KCNJ3: variants seen among roughly 807,000 people sequenced by gnomAD.
KCNJ3 encodes the protein potassium inwardly rectifying channel subfamily J member 3.
A neutral mutation model predicts 39.2 loss-of-function variants in KCNJ3; 4 were observed. That is an observed-to-expected ratio of 0.10 (90% CI 0.05 to 0.23). KCNJ3 has a LOEUF of 0.23. KCNJ3 is among the 10% of genes least tolerant of loss of function. The pLI is 1.00. For synonymous variants in KCNJ3, 230 were observed against 237.4 expected, an observed-to-expected ratio of 0.97 and a Z score of 0.29; for missense variants, 276 against 634.9, an observed-to-expected ratio of 0.43 and a Z score of 6.08.
chr2:154,779,453 T>TTATA (rs201234004), intron 2 of KCNJ3, among the ~76,000 whole-genome samples: 6 of 143,404 alleles, frequency 4.2e-5, no homozygotes, highest in South Asian at 2.1e-4. Context: ...TATATATATT[T>TTATA]TATATATATA....
chr2:154,845,414 G>A (rs190793405), intron 2 of KCNJ3, among the ~76,000 whole-genome samples: 27 of 152,014 alleles, frequency 1.8e-4, no homozygotes, highest in Middle Eastern at 3.4e-3. Flanking sequence ...CCACCACACC[G>A]GGCCTGAAAA....
chr2:154,828,890 A>C (rs1687314284), intron 2 of KCNJ3, among the ~76,000 whole-genome samples: 1 of 152,232 alleles, frequency 6.6e-6, no homozygotes. Context: ...TATTTAACCA[A>C]TTAAGTATAT....
At chr2:154,771,685 T>A (rs959425537) in intron 2 of KCNJ3, among the ~76,000 whole-genome samples, 1 of 152,152 alleles carries the variant, frequency 6.6e-6, no homozygotes, top group Non-Finnish European at 1.5e-5. Flanking sequence ...GTGTCCAACA[T>A]GGCTAGAATG....
chr2:154,717,892 G>GT (rs1243867694), intron 2 of KCNJ3, among the ~76,000 whole-genome samples: 11 of 152,250 alleles, frequency 7.2e-5, no homozygotes, highest in Admixed American at 5.2e-4. Context: ...TAGTGTTATG[G>GT]TAAGTGAGGT....
At position 154,812,545 on chromosome 2, in the gene KCNJ3, A is replaced by G. The variant is rs1255791948; in HGVS notation, c.920-42182A>G. 2.0e-5 allele frequency among the ~76,000 whole-genome samples: 3 copies of G among 152,196 alleles called. No individual in the cohort carries two copies. In the East Asian group the frequency reaches 5.8e-4, roughly 29 times the overall value. ...ATCTTCTGAATTCTGTTGAGAAGAC[A>G]AATTAGAAACTTTCTCAAGTTGCTT... On this transcript the variant is annotated intron_variant, in intron 2 of 2. Transcript: ENST00000295101.
chr2:154,801,669 C>T (rs1686821847), intron 2 of KCNJ3, among the ~76,000 whole-genome samples: 1 of 151,312 alleles, frequency 6.6e-6, no homozygotes, highest in Admixed American at 6.6e-5. Flanking sequence ...CATTCTGTCA[C>T]CCAGGCTGGA....
intron 2 of KCNJ3, among the ~76,000 whole-genome samples, chr2:154,712,150 C>T (rs1685110384): frequency 6.6e-6 from 1 of 152,120 alleles, no homozygotes; most frequent in Admixed American, 6.5e-5. Context: ...CTAATTAAAT[C>T]CCACACTGTT....
At chr2:154,815,068 G>T (rs988688657) in intron 2 of KCNJ3, among the ~76,000 whole-genome samples, 6 of 152,164 alleles carry the variant, frequency 3.9e-5, no homozygotes, top group Non-Finnish European at 8.8e-5. Flanking sequence ...TGCAGGAATA[G>T]CTGCTCCTAT....
chr2:154,742,568 A>G (rs1685670941), intron 2 of KCNJ3, among the ~76,000 whole-genome samples: 1 of 151,708 alleles, frequency 6.6e-6, no homozygotes, highest in Non-Finnish European at 1.5e-5. Flanking sequence ...TAGCCATCCT[A>G]ATTGATCTGA....
At chr2:154,715,139 C>G (rs1392217267) in intron 2 of KCNJ3, among the ~76,000 whole-genome samples, 1 of 152,166 alleles carries the variant, frequency 6.6e-6, no homozygotes, top group Non-Finnish European at 1.5e-5. Context: ...ACTCTCAATT[C>G]AACTATTCCT....
intron 2 of KCNJ3, among the ~76,000 whole-genome samples, chr2:154,816,885 G>A (rs563288022): frequency 1.3e-5 from 2 of 152,192 alleles, no homozygotes; most frequent in South Asian, 4.2e-4. Context: ...TATCCTTATC[G>A]CAATTTCTCA....
rs1055670969 is a variant in KCNJ3, at chr2:154,797,012, A to C, written c.920-57715A>C. Among the ~76,000 whole-genome samples the C allele has an allele frequency of 2.0e-5, 3 of 152,258 alleles. No homozygotes were observed. In the South Asian group the frequency reaches 6.2e-4, roughly 32 times the overall value. ...ATACCTATTGAGCAATGTCTAGCGA[A>C]ATGCTCACCTGTACAAGGTGTAGGA... On this transcript the variant is annotated intron_variant, in intron 2 of 2. Coordinates refer to ENST00000295101, the MANE Select transcript of KCNJ3 (RefSeq NM_002239.4).
chr2:154,760,603 G>A (rs1686020086), intron 2 of KCNJ3, among the ~76,000 whole-genome samples: 1 of 151,740 alleles, frequency 6.6e-6, no homozygotes, highest in Non-Finnish European at 1.5e-5. Context: ...ACCCAGCCTG[G>A]ATTGTAGTGG....
At chr2:154,839,262 CA>C (rs1687533175) in intron 2 of KCNJ3, among the ~76,000 whole-genome samples, 1 of 152,156 alleles carries the variant, frequency 6.6e-6, no homozygotes, top group South Asian at 2.1e-4. Flanking sequence ...CATGTCCCTG[CA>C]AAGGATATGA....
intron 2 of KCNJ3, among the ~76,000 whole-genome samples, chr2:154,729,604 T>C (rs931737276): frequency 6.6e-6 from 1 of 152,174 alleles, no homozygotes; most frequent in African/African-American, 2.4e-5. Flanking sequence ...AATCATTATA[T>C]GAACCATCTG....
At chr2:154,828,912 T>C (rs1028904067) in intron 2 of KCNJ3, among the ~76,000 whole-genome samples, 14 of 152,172 alleles carry the variant, frequency 9.2e-5, no homozygotes, top group African/African-American at 3.1e-4. Context: ...AAAAATATAT[T>C]ATGCCAGGTA....
chr2:154,786,845 C>T (rs1249539061), intron 2 of KCNJ3, among the ~76,000 whole-genome samples: 1 of 152,094 alleles, frequency 6.6e-6, no homozygotes, highest in African/African-American at 2.4e-5. Context: ...CGTTGAAGAG[C>T]AAACCAAAAA....
chr2:154,783,240 C>G (rs1686470876), intron 2 of KCNJ3, among the ~76,000 whole-genome samples: 1 of 152,024 alleles, frequency 6.6e-6, no homozygotes, highest in African/African-American at 2.4e-5. Context: ...ACTGAAACAA[C>G]AAGTAGGATT....
chr2:154,725,801 A>G (rs1409239434), intron 2 of KCNJ3, among the ~76,000 whole-genome samples: 1 of 152,102 alleles, frequency 6.6e-6, no homozygotes, highest in Non-Finnish European at 1.5e-5. Flanking sequence ...AATAAAGCCA[A>G]ATACTTAGAG....
Sources: gnomAD v4.1 joint callset for allele counts (sites outside exome capture counted in the v4.1 genomes callset) on GRCh38, gnomAD v4.1.1 for gene constraint, MANE v1.5 for transcripts, NCBI Gene and HGNC (gene_info 2026-07-23, HGNC 2026-07-21) for gene names.